ERGIC2: variants seen among roughly 807,000 people sequenced by gnomAD.
The protein encoded by ERGIC2 is ERGIC and golgi 2.
In ERGIC2, 31 loss-of-function variants were observed where a neutral mutation model predicts 52.5. The observed-to-expected ratio is 0.59, with a 90% CI of 0.44 to 0.80. ERGIC2 has a LOEUF of 0.80. Among genes scored for constraint, ERGIC2 ranks in the 30% least tolerant of loss-of-function variants. The pLI, the probability that ERGIC2 is intolerant of heterozygous loss-of-function variation, is 0.00. For synonymous variants in ERGIC2, 129 were observed against 140.6 expected, an observed-to-expected ratio of 0.92 and a Z score of 0.58; for missense variants, 395 against 455.2, an observed-to-expected ratio of 0.87 and a Z score of 1.20.
intron 1 of ERGIC2, among the ~76,000 whole-genome samples, chr12:29,373,763 T>C (rs1199307952): frequency 6.6e-6 from 1 of 152,132 alleles, no homozygotes; most frequent in Non-Finnish European, 1.5e-5. Context: ...ATGCACTTAG[T>C]ATTCGAAAGA....
chr12:29,339,404 A>T lies in ERGIC2; in HGVS notation c.*1752T>A, dbSNP rs1949821012. ...CTCGATTGAATTTTCTTCCAAGCAT[A>T]CTTAAAGGACCAACAATCAGTCTAC... On this transcript the variant is annotated 3_prime_UTR_variant, in exon 14 of 14. Transcript: ENST00000360150. 1 of 152,180 alleles carries T rather than the reference A, an allele frequency of 6.6e-6. No individual in the cohort carries two copies. Among genetic ancestry groups the T allele is most frequent in the Admixed American group, 6.5e-5 (1 of 15,288 alleles). 9.4% of individuals were successfully genotyped at this position (152,180 alleles called of 1,614,324 possible).
At chr12:29,376,525 T>C (rs1254656413) in intron 1 of ERGIC2, among the ~76,000 whole-genome samples, 1 of 152,196 alleles carries the variant, frequency 6.6e-6, no homozygotes, top group African/African-American at 2.4e-5. Context: ...GTGACCTCCA[T>C]CTTAATTCTA....
At chr12:29,372,646 T>C (rs1225980790) in intron 1 of ERGIC2, 2 of 151,346 alleles carry the variant, frequency 1.3e-5, no homozygotes, top group East Asian at 3.9e-4. Context: ...TACGTAGCCA[T>C]TGAAAATCTT....
At chr12:29,357,538 C>T (rs1940225100) in intron 7 of ERGIC2, 85 bp downstream of exon 7, 1 of 753,398 alleles carries the variant, frequency 1.3e-6, no homozygotes, top group African/African-American at 1.8e-5. Context: ...AAATAAGATT[C>T]AGAAAACTAA....
rs1012293327 is a variant in ERGIC2, at chr12:29,371,673, A to G, written c.-37-3T>C. ...TCCTCTTCCTTCATATAGTCATGCT[A>G]AGGAATAAATAAATTAATGAATAAA... On this transcript the variant is annotated splice_region_variant and splice_polypyrimidine_tract_variant and intron_variant, in intron 1 of 13. Transcript: ENST00000360150. The G allele has an allele frequency of 7.8e-7, 1 of 1,285,244 alleles. No individual in the cohort carries two copies. Among genetic ancestry groups the G allele is most frequent in the Non-Finnish European group, 1.1e-6 (1 of 888,002 alleles). 79.6% of individuals were successfully genotyped at this position (1,285,244 alleles called of 1,614,324 possible).
At chr12:29,363,456 AAT>A (rs1192729678) in intron 5 of ERGIC2, among the ~76,000 whole-genome samples, 21 of 152,004 alleles carry the variant, frequency 1.4e-4, no homozygotes, top group Middle Eastern at 3.4e-3. Context: ...CAAAGGAATG[AAT>A]AGTTTCCTAA....
chr12:29,370,400 T>C (rs1940425146), intron 2 of ERGIC2, among the ~76,000 whole-genome samples, 178 bp from the exon 3 acceptor site: 1 of 151,964 alleles, frequency 6.6e-6, no homozygotes, highest in African/African-American at 2.4e-5. Flanking sequence ...TTTTTTCTAA[T>C]ACAGCTCAAA....
At chr12:29,378,232 G>C (rs563409291) in intron 1 of ERGIC2, among the ~76,000 whole-genome samples, 2 of 152,292 alleles carry the variant, frequency 1.3e-5, no homozygotes, top group South Asian at 4.1e-4. Flanking sequence ...AGAGACTACA[G>C]TGATGTGTCT....
chr12:29,344,929 C>T (rs1282467588), intron 11 of ERGIC2, among the ~76,000 whole-genome samples: 1 of 152,028 alleles, frequency 6.6e-6, no homozygotes, highest in East Asian at 1.9e-4. Context: ...ATGGCCATAC[C>T]ACCCTGAGGT....
At chr12:29,361,981 C>T (rs1397337213) in intron 5 of ERGIC2, among the ~76,000 whole-genome samples, 2 of 152,092 alleles carry the variant, frequency 1.3e-5, no homozygotes, top group East Asian at 1.9e-4. Flanking sequence ...TATCCTAGGG[C>T]TTAAAATCAT....
Position 29,341,209 on chromosome 12 carries a change from CA to C in ERGIC2, c.1080del (p.Phe360LeufsTer13). 6.2e-7 allele frequency: 1 copy of C among 1,607,632 alleles called. No homozygotes were observed. The highest frequency in any genetic ancestry group is 1.7e-5 in the Admixed American group (1 of 59,690). ...GSYKPVNSVP[F>X]EDGHTDNHLP... Reference sequence around the variant, plus strand: ...AAGTGGTTGTCTGTGTGGCCATCCTCAAAAGGAACCTAAGGAGAAAAGGAGG... The same window carrying C: ...AAGTGGTTGTCTGTGTGGCCATCCTCAAAGGAACCTAAGGAGAAAAGGAGG... On this transcript the variant is annotated frameshift_variant, in exon 14 of 14. Coordinates refer to ENST00000360150, the MANE Select transcript of ERGIC2 (RefSeq NM_016570.3). LOFTEE classifies it high-confidence loss of function.
At chr12:29,352,409 T>G (rs1171938014) in intron 8 of ERGIC2, among the ~76,000 whole-genome samples, 1 of 152,206 alleles carries the variant, frequency 6.6e-6, no homozygotes, top group Admixed American at 6.5e-5. Flanking sequence ...ACACCTGTAA[T>G]CCTAGCACTT....
intron 3 of ERGIC2, 34 bp from the exon 4 acceptor site, chr12:29,368,321 C>A: frequency 9.1e-7 from 1 of 1,098,820 alleles, no homozygotes; most frequent in South Asian, 1.3e-5. Context: ...TAGTACCTAC[C>A]AATTAATTAG....
At chr12:29,358,959 T>C (rs967316361) in intron 6 of ERGIC2, among the ~76,000 whole-genome samples, 2 of 152,140 alleles carry the variant, frequency 1.3e-5, no homozygotes, top group African/African-American at 4.8e-5. Flanking sequence ...AGAAAGGTTC[T>C]GTCCAGGGTT....
At chr12:29,358,841 C>T (rs1940245076) in intron 6 of ERGIC2, among the ~76,000 whole-genome samples, 1 of 152,050 alleles carries the variant, frequency 6.6e-6, no homozygotes, top group Non-Finnish European at 1.5e-5. Context: ...TATGCATCAT[C>T]TATCTAGAAA....
At chr12:29,380,417 C>T (rs896561691) in intron 1 of ERGIC2, among the ~76,000 whole-genome samples, 2 of 151,998 alleles carry the variant, frequency 1.3e-5, no homozygotes, top group African/African-American at 4.8e-5. Context: ...CTTTAAGTCT[C>T]GGGGGCACTA....
chr12:29,367,091 G>A (rs1159213107), intron 4 of ERGIC2, 144 bp from the exon 5 acceptor site: 10 of 460,992 alleles, frequency 2.2e-5, no homozygotes, highest in South Asian at 4.8e-5. Flanking sequence ...AATAATTTCC[G>A]ATATATTTGT....
chr12:29,348,328 TACAATTTTACA>T (rs1468116610), intron 10 of ERGIC2, among the ~76,000 whole-genome samples: 1 of 152,038 alleles, frequency 6.6e-6, no homozygotes, highest in Non-Finnish European at 1.5e-5. Context: ...AATCCTTAAT[TACAATTTTACA>T]AAGGATAGAA....
chr12:29,356,206 A>G (rs899999512), intron 8 of ERGIC2, among the ~76,000 whole-genome samples, 176 bp downstream of exon 8: 2 of 152,056 alleles, frequency 1.3e-5, no homozygotes, highest in Non-Finnish European at 2.9e-5. Context: ...TATTTTTAGT[A>G]GAGATGAGGT....
Sources: allele counts gnomAD v4.1 joint callset (sites outside exome capture counted in the v4.1 genomes callset), GRCh38; gene constraint gnomAD v4.1.1; transcripts MANE v1.5; gene names NCBI Gene and HGNC (gene_info 2026-07-23, HGNC 2026-07-21).